Variants in NEU2 observed in about 807,000 individuals in gnomAD.
NEU2 encodes neuraminidase 2.
A neutral mutation model predicts 6.3 loss-of-function variants in NEU2; 7 were observed. The ratio of observed to expected loss-of-function variants is 1.12; its 90% CI spans 0.63 to 2.10. The LOEUF is 2.10. Among genes scored for constraint, NEU2 ranks in the 30% most tolerant of loss-of-function variants. The pLI, the probability that NEU2 is intolerant of heterozygous loss-of-function variation, is 0.00. For missense variants in NEU2, 509 were observed against 504.0 expected (o/e 1.01, Z -0.09); for synonymous variants, 208 against 223.3 (o/e 0.93, Z 0.61).
In NEU2 at chr2:233,034,106, C is replaced by T. The variant is rs776174922; in HGVS notation, c.202-10C>T. On this transcript the variant is annotated splice_polypyrimidine_tract_variant and intron_variant, in intron 1 of 1. Transcript: ENST00000233840. The surrounding 1 kb of genome is among the most constrained non-coding windows in gnomAD (Gnocchi z 4.8). Reference sequence around the variant, plus strand: ...CAAGGCTGCCTTCTTCTTTCTCTCTCCCTACTCAGTGGCAAGCTCAGGAGG... The same window carrying T: ...CAAGGCTGCCTTCTTCTTTCTCTCTTCCTACTCAGTGGCAAGCTCAGGAGG... 5 of 1,599,224 alleles carry T rather than the reference C, an allele frequency of 3.1e-6. No individual in the cohort carries two copies. In the East Asian group the frequency reaches 1.1e-4, roughly 36 times the overall value.
chr2:233,034,614 C>T lies in NEU2; in HGVS notation c.700C>T (p.Leu234Phe). ...VETGEQRVVT[L>F]NARSHLRARV... The stretch of plus-strand genomic sequence containing the variant: ...GACTGGGGAGCAGAGGGTGGTGACC[C>T]TCAACGCGAGAAGCCACCTCCGAGC... The change falls in exon 2 of 2, where the codon CTC becomes TTC. Residue 234 changes from leucine to phenylalanine, a missense_variant. Transcript: ENST00000233840. This position sits in a 1 kb window ranked among gnomAD's most constrained non-coding sequence, Gnocchi z 4.8. The T allele has an allele frequency of 6.2e-7, 1 of 1,611,052 alleles. No homozygotes were observed. The highest frequency in any genetic ancestry group is 1.3e-5 in the African/African-American group (1 of 75,018).
chr2:233,034,603 G>C lies in NEU2; in HGVS notation c.689G>C (p.Arg230Thr). 1 of 1,613,592 alleles carries C rather than the reference G, an allele frequency of 6.2e-7. No homozygotes were observed. Among genetic ancestry groups the C allele is most frequent in the Non-Finnish European group, 8.5e-7 (1 of 1,179,688 alleles). Reference protein sequence around the residue: ...QVAEVETGEQRVVTLNARSHL... With the variant: ...QVAEVETGEQTVVTLNARSHL... ...GCCGAAGTCGAGACTGGGGAGCAGA[G>C]GGTGGTGACCCTCAACGCGAGAAGC... Residue 230 changes from arginine to threonine, a missense_variant, in exon 2 of 2, where the codon AGG (arginine) becomes ACG (threonine). Physicochemically the swap from Arg to Thr is moderately conservative, Grantham distance 71. Coordinates refer to ENST00000233840, the MANE Select transcript of NEU2 (RefSeq NM_005383.2). The surrounding 1 kb of genome is among the most constrained non-coding windows in gnomAD (Gnocchi z 4.8).
rs775554272 is a variant in NEU2, at chr2:233,034,375, G to T, written c.461G>T (p.Trp154Leu). Reference protein sequence around the residue: ...DAAIGPAYREWSTFAVGPGHC... With the variant: ...DAAIGPAYRELSTFAVGPGHC... Reference sequence around the variant, plus strand: ...GCCATCGGCCCAGCCTACCGGGAGTGGTCCACCTTTGCAGTGGGCCCGGGG... The same window carrying T: ...GCCATCGGCCCAGCCTACCGGGAGTTGTCCACCTTTGCAGTGGGCCCGGGG... The change falls in exon 2 of 2, where the codon TGG (tryptophan) becomes TTG (leucine). Residue 154 changes from tryptophan (W) to leucine (L), a missense_variant. By Grantham distance (61) the Trp-to-Leu change is moderately conservative. Coordinates refer to ENST00000233840, the MANE Select transcript of NEU2 (RefSeq NM_005383.2). The surrounding 1 kb of genome is among the most constrained non-coding windows in gnomAD (Gnocchi z 4.8). 13 of 1,613,906 alleles carry T rather than the reference G, an allele frequency of 8.1e-6. No individual in the cohort carries two copies. The highest frequency in any genetic ancestry group is 1.1e-5 in the Non-Finnish European group (13 of 1,180,000).
chr2:233,035,021 G>A lies in NEU2; in HGVS notation c.1107G>A (p.Leu369=). 6.2e-7 allele frequency: 1 copy of A among 1,610,894 alleles called. No homozygotes were observed. Among genetic ancestry groups the A allele is most frequent in the Non-Finnish European group, 8.5e-7 (1 of 1,178,068 alleles). ...YEEIVFLMFT[L]KQAFPAEYLP... Reference sequence around the variant, plus strand: ...AGATTGTCTTTCTCATGTTCACCCTGAAGCAAGCCTTCCCAGCTGAGTACC... The same window carrying A: ...AGATTGTCTTTCTCATGTTCACCCTAAAGCAAGCCTTCCCAGCTGAGTACC... Residue 369 remains leucine, a synonymous_variant, in exon 2 of 2, where the codon CTG becomes CTA. Transcript: ENST00000233840.
At position 233,032,715 on chromosome 2, in the gene NEU2, C is replaced by T. The variant is rs776585596; in HGVS notation, c.44C>T (p.Ser15Leu). 2.0e-5 allele frequency: 32 copies of T among 1,614,236 alleles called. No homozygotes were observed. The highest frequency in any genetic ancestry group is 1.6e-4 in the Middle Eastern group (1 of 6,062). ...CTGCAGAAGGAGAGCGTGTTCCAGT[C>T]GGGAGCCCATGCCTACAGAATCCCT... ...PVLQKESVFQ[S>L]GAHAYRIPAL... Residue 15 changes from serine (S) to leucine (L), a missense_variant, in exon 1 of 2, where the codon TCG becomes TTG. Coordinates refer to ENST00000233840, the MANE Select transcript of NEU2 (RefSeq NM_005383.2).
intron 1 of NEU2, 122 bp from the exon 2 acceptor site, chr2:233,033,994 C>A: frequency 1.2e-6 from 1 of 855,728 alleles, no homozygotes; most frequent in Non-Finnish European, 1.8e-6. Context: ...AAGAGTTCTT[C>A]TCGATGACTT....
chr2:233,032,812 G>A lies in NEU2; in HGVS notation c.141G>A (p.Glu47=). 3.1e-6 allele frequency: 5 copies of A among 1,614,156 alleles called. No individual in the cohort carries two copies. ...AACAGCGGGCAAGCAAGAAGGATGA[G>A]CACGCAGAGCTGATTGTCCTGCGCA... ...FAEQRASKKD[E]HAELIVLRRG... is the part of the protein sequence containing the mutation. Residue 47 remains glutamate (E), a synonymous_variant, in exon 1 of 2, where the codon GAG becomes GAA. Transcript: ENST00000233840.
In NEU2 at chr2:233,032,835, G is replaced by A. The variant is rs150159734; in HGVS notation, c.164G>A (p.Arg55His). The A allele has an allele frequency of 1.8e-5, 29 of 1,613,344 alleles. No individual in the cohort carries two copies. The highest frequency in any genetic ancestry group is 4.4e-5 in the South Asian group (4 of 91,000). ...GAGCACGCAGAGCTGATTGTCCTGC[G>A]CAGAGGAGACTACGACGCACCCACC... ...KDEHAELIVLRRGDYDAPTHQ... is the reference protein window; with the variant it reads ...KDEHAELIVLHRGDYDAPTHQ... Residue 55 changes from arginine (R) to histidine (H), a missense_variant, in exon 1 of 2, where the codon CGC becomes CAC. By Grantham distance (29) the Arg-to-His change is conservative. Transcript: ENST00000233840.
At position 233,034,469 on chromosome 2, in the gene NEU2, C is replaced by T; in HGVS notation, c.555C>T (p.His185=). The part of the protein sequence containing the change: ...VVPAYAYRKL[H]PIQRPIPSAF... The stretch of plus-strand genomic sequence containing the variant: ...CCGCCTACGCCTACCGGAAACTTCA[C>T]CCCATCCAAAGGCCGATCCCCTCTG... Residue 185 remains histidine, a synonymous_variant, in exon 2 of 2, where the codon CAC becomes CAT. Coordinates refer to ENST00000233840, the MANE Select transcript of NEU2 (RefSeq NM_005383.2). This position sits in a 1 kb window ranked among gnomAD's most constrained non-coding sequence, Gnocchi z 4.8. The T allele has an allele frequency of 6.2e-7, 1 of 1,614,168 alleles. No homozygotes were observed. The highest frequency in any genetic ancestry group is 8.5e-7 in the Non-Finnish European group (1 of 1,180,028).
At position 233,034,109 on chromosome 2, in the gene NEU2, T is replaced by C. The variant is rs1169873393; in HGVS notation, c.202-7T>C. ...GGCTGCCTTCTTCTTTCTCTCTCCCTACTCAGTGGCAAGCTCAGGAGGTGG... is the reference window on the plus strand; with the variant it reads ...GGCTGCCTTCTTCTTTCTCTCTCCCCACTCAGTGGCAAGCTCAGGAGGTGG... On this transcript the variant is annotated splice_polypyrimidine_tract_variant and splice_region_variant and intron_variant, in intron 1 of 1. Coordinates refer to ENST00000233840, the MANE Select transcript of NEU2 (RefSeq NM_005383.2). This position sits in a 1 kb window ranked among gnomAD's most constrained non-coding sequence, Gnocchi z 4.8. 7 of 1,602,186 alleles carry C rather than the reference T, an allele frequency of 4.4e-6. No homozygotes were observed. The highest frequency in any genetic ancestry group is 1.3e-5 in the African/African-American group (1 of 74,740).
At position 233,034,943 on chromosome 2, in the gene NEU2, C is replaced by G; in HGVS notation, c.1029C>G (p.Gly343=). 6.2e-7 allele frequency: 1 copy of G among 1,614,186 alleles called. No individual in the cohort carries two copies. The highest frequency in any genetic ancestry group is 8.5e-7 in the Non-Finnish European group (1 of 1,180,024). The change falls in exon 2 of 2, where the codon GGC becomes GGG. Residue 343 remains glycine, a synonymous_variant. Transcript: ENST00000233840. The surrounding 1 kb of genome is among the most constrained non-coding windows in gnomAD (Gnocchi z 4.8). ...CAGACCTCCAGAGCATGGGCACCGGCCCTGATGGGTCCCCCTTGTTTGGGT... is the reference window on the plus strand; with the variant it reads ...CAGACCTCCAGAGCATGGGCACCGGGCCTGATGGGTCCCCCTTGTTTGGGT... ...AYSDLQSMGT[G]PDGSPLFGCL... is the part of the protein sequence containing the mutation.
rs141183314 is a variant in NEU2 at position 233,034,642 on chromosome 2, G to C, written c.728G>C (p.Arg243Thr). Residue 243 changes from arginine to threonine, a missense_variant, in exon 2 of 2, where the codon AGG becomes ACG. Arg to Thr is a moderately conservative substitution (Grantham distance 71). Transcript: ENST00000233840. This position sits in a 1 kb window ranked among gnomAD's most constrained non-coding sequence, Gnocchi z 4.8. ...TLNARSHLRA[R>T]VQAQSTNDGL... ...AACGCGAGAAGCCACCTCCGAGCCA[G>C]GGTCCAGGCCCAGAGCACCAATGAC... 2 of 1,602,192 alleles carry C rather than the reference G, an allele frequency of 1.2e-6. No individual in the cohort carries two copies. The highest frequency in any genetic ancestry group is 2.2e-5 in the South Asian group (2 of 89,518).
rs776585596 is a variant in NEU2 at position 233,032,715 on chromosome 2, C to A, written c.44C>A (p.Ser15Ter). The A allele has an allele frequency of 3.7e-6, 6 of 1,614,118 alleles. No individual in the cohort carries two copies. The East Asian group carries it at 6.7e-5, about 18-fold the overall frequency. Residue 15 changes from serine (S) to a stop codon, truncating the protein, a stop_gained, in exon 1 of 2, where the codon TCG becomes TAG. Transcript: ENST00000233840. LOFTEE classifies it high-confidence loss of function. ...CTGCAGAAGGAGAGCGTGTTCCAGT[C>A]GGGAGCCCATGCCTACAGAATCCCT... ...PVLQKESVFQ[S>*]GAHAYRIPAL...
At chr2:233,033,019 A>C in intron 1 of NEU2, 147 bp downstream of exon 1, 1 of 881,124 alleles carries the variant, frequency 1.1e-6, no homozygotes. Flanking sequence ...AGAGCAGAGA[A>C]AGTGCCCCTA....
At position 233,034,738 on chromosome 2, in the gene NEU2, G is replaced by A. The variant is rs774544115; in HGVS notation, c.824G>A (p.Ser275Asn). The stretch of plus-strand genomic sequence containing the variant: ...CCGCCGCCCCAGGGCTGCCAGGGGA[G>A]CGTCATCAGCTTCCCCAGCCCCCGC... The part of the protein sequence containing the change: ...VEPPPQGCQG[S>N]VISFPSPRSG... The change falls in exon 2 of 2, where the codon AGC (serine) becomes AAC (asparagine). Residue 275 changes from serine (S) to asparagine (N), a missense_variant. Coordinates refer to ENST00000233840, the MANE Select transcript of NEU2 (RefSeq NM_005383.2). This position sits in a 1 kb window ranked among gnomAD's most constrained non-coding sequence, Gnocchi z 4.8. 2 of 1,539,094 alleles carry A rather than the reference G, an allele frequency of 1.3e-6. No homozygotes were observed. Among genetic ancestry groups the A allele is most frequent in the South Asian group, 1.3e-5 (1 of 78,660 alleles).
chr2:233,034,102 C>G lies in NEU2; in HGVS notation c.202-14C>G. ...GTTTCAAGGCTGCCTTCTTCTTTCTCTCTCCCTACTCAGTGGCAAGCTCAG... is the reference window on the plus strand; with the variant it reads ...GTTTCAAGGCTGCCTTCTTCTTTCTGTCTCCCTACTCAGTGGCAAGCTCAG... On this transcript the variant is annotated splice_polypyrimidine_tract_variant and intron_variant, in intron 1 of 1. Transcript: ENST00000233840. This position sits in a 1 kb window ranked among gnomAD's most constrained non-coding sequence, Gnocchi z 4.8. 1 of 1,587,600 alleles carries G rather than the reference C, an allele frequency of 6.3e-7. No homozygotes were observed.
Position 233,034,035 on chromosome 2 carries a change from C to A in NEU2, c.202-81C>A. 1 of 1,257,576 alleles carries A rather than the reference C, an allele frequency of 8.0e-7. No individual in the cohort carries two copies. The highest frequency in any genetic ancestry group is 1.5e-5 in the African/African-American group (1 of 67,180). The allele number at this position is 1,257,576 out of a possible 1,614,324, so 77.9% of individuals were successfully genotyped here. ...TCTAACCCGGGAGACACACCCGTGC[C>A]CACCCCTCCCACTCATGCAGCTCCT... On this transcript the variant is annotated intron_variant, in intron 1 of 1. Coordinates refer to ENST00000233840, the MANE Select transcript of NEU2 (RefSeq NM_005383.2). This position sits in a 1 kb window ranked among gnomAD's most constrained non-coding sequence, Gnocchi z 4.8.
At position 233,032,758 on chromosome 2, in the gene NEU2, T is replaced by C; in HGVS notation, c.87T>C (p.Pro29=). 6.2e-7 allele frequency: 1 copy of C among 1,614,204 alleles called. No homozygotes were observed. Reference sequence around the variant, plus strand: ...GAATCCCTGCCCTGCTCTACCTGCCTGGGCAGCAGTCCCTGCTGGCCTTCG... The same window carrying C: ...GAATCCCTGCCCTGCTCTACCTGCCCGGGCAGCAGTCCCTGCTGGCCTTCG... ...AYRIPALLYL[P]GQQSLLAFAE... is the part of the protein sequence containing the mutation. The change falls in exon 1 of 2, where the codon CCT becomes CCC. Residue 29 remains proline (P), a synonymous_variant. Coordinates refer to ENST00000233840, the MANE Select transcript of NEU2 (RefSeq NM_005383.2).
At position 233,034,452 on chromosome 2, in the gene NEU2, G is replaced by A. The variant is rs552601468; in HGVS notation, c.538G>A (p.Ala180Thr). The A allele has an allele frequency of 4.3e-6, 7 of 1,614,056 alleles. No homozygotes were observed. The highest frequency in any genetic ancestry group is 1.7e-5 in the Admixed American group (1 of 60,002). The change falls in exon 2 of 2, where the codon GCC becomes ACC. Residue 180 changes from alanine (A) to threonine (T), a missense_variant. Coordinates refer to ENST00000233840, the MANE Select transcript of NEU2 (RefSeq NM_005383.2). This position sits in a 1 kb window ranked among gnomAD's most constrained non-coding sequence, Gnocchi z 4.8. ...CCGGAGCCTGGTGGTGCCCGCCTAC[G>A]CCTACCGGAAACTTCACCCCATCCA... The part of the protein sequence containing the change: ...RARSLVVPAY[A>T]YRKLHPIQRP...
Sources: allele counts gnomAD v4.1 joint callset, GRCh38; gene constraint gnomAD v4.1.1; non-coding constraint Gnocchi (gnomAD v3.1); transcripts MANE v1.5; gene names NCBI Gene and HGNC (gene_info 2026-07-23, HGNC 2026-07-21).